NTM: variants seen among roughly 807,000 people sequenced by gnomAD.
The protein encoded by NTM is neurotrimin.
NTM carries 13 observed loss-of-function variants against 42.1 expected under a neutral mutation model. The observed-to-expected ratio is 0.31, with a 90% CI of 0.20 to 0.49. The LOEUF (loss-of-function observed/expected upper bound fraction) is 0.49. Among genes scored for constraint, NTM ranks in the 20% least tolerant of loss-of-function variants. The pLI is 0.99. For synonymous variants in NTM, 187 were observed against 179.2 expected, an observed-to-expected ratio of 1.04 and a Z score of -0.35; for missense variants, 373 against 452.8, an observed-to-expected ratio of 0.82 and a Z score of 1.60.
chr11:131,769,124 G>A (rs970625460), intron 1 of NTM, among the ~76,000 whole-genome samples: 1 of 152,174 alleles, frequency 6.6e-6, no homozygotes, highest in African/African-American at 2.4e-5. Context: ...AGGGCAACAG[G>A]CTATTAAGCA....
intron 4 of NTM, among the ~76,000 whole-genome samples, chr11:132,252,425 G>A (rs1265677057): frequency 6.6e-6 from 1 of 152,124 alleles, no homozygotes; most frequent in Non-Finnish European, 1.5e-5. Context: ...CCATTTTCTT[G>A]AGAGCAGAGA....
At chr11:131,890,127 CCTCT>C (rs1328165147) in intron 1 of NTM, among the ~76,000 whole-genome samples, 1 of 124,436 alleles carries the variant, frequency 8.0e-6, no homozygotes, top group Non-Finnish European at 1.6e-5. Flanking sequence ...ACACACAGGC[CCTCT>C]CTCTCCCTCT....
intron 1 of NTM, among the ~76,000 whole-genome samples, chr11:131,702,145 AC>A (rs1370496944): frequency 1.3e-5 from 2 of 152,108 alleles, no homozygotes; most frequent in Non-Finnish European, 2.9e-5. Flanking sequence ...AGACTACCTT[AC>A]AAAGCAGAGT....
chr11:131,631,891 GGAGAAGTCT>G (rs1352604395), intron 1 of NTM, among the ~76,000 whole-genome samples: 1 of 152,076 alleles, frequency 6.6e-6, no homozygotes, highest in African/African-American at 2.4e-5. Context: ...ATGTTACCTT[GGAGAAGTCT>G]GAGATTATCT....
At chr11:131,505,081 C>G (rs1194502533) in intron 1 of NTM, among the ~76,000 whole-genome samples, 1 of 149,574 alleles carries the variant, frequency 6.7e-6, no homozygotes, top group East Asian at 2.0e-4. Context: ...AACCTACCTT[C>G]TACTTGACCA....
At chr11:131,903,902 A>T (rs945005240) in intron 1 of NTM, among the ~76,000 whole-genome samples, 2 of 152,174 alleles carry the variant, frequency 1.3e-5, no homozygotes, top group Non-Finnish European at 2.9e-5. Context: ...TGAGTGAATT[A>T]GTCATTAGAC....
rs186585936 is a variant in NTM, at chr11:131,528,886, C to A, written c.82+157998C>A. ...GACATTTGATTTGATTTGATTTCAT[C>A]TTTTGTTGGTTCTAACTGTTTAGTG... On this transcript the variant is annotated intron_variant, in intron 1 of 8. Transcript: ENST00000683400. Among the ~76,000 whole-genome samples, 218 of 152,262 alleles carry A rather than the reference C, an allele frequency of 1.4e-3. 1 individual carries two copies. The highest frequency in any genetic ancestry group is 4.3e-3 in the African/African-American group (180 of 41,558).
intron 1 of NTM, among the ~76,000 whole-genome samples, chr11:131,570,902 CAGAA>C (rs926982987): frequency 6.6e-6 from 1 of 152,214 alleles, no homozygotes; most frequent in African/African-American, 2.4e-5. Flanking sequence ...ACTGCAGACT[CAGAA>C]AGGAACAAGA....
intron 2 of NTM, among the ~76,000 whole-genome samples, chr11:131,985,707 C>T (rs1013401297): frequency 6.6e-6 from 1 of 152,190 alleles, no homozygotes; most frequent in Non-Finnish European, 1.5e-5. Flanking sequence ...CTCCTACGCT[C>T]ATTCCACTGG....
chr11:131,392,567 C>T (rs113444388), intron 1 of NTM, among the ~76,000 whole-genome samples: 1 of 152,216 alleles, frequency 6.6e-6, no homozygotes, highest in African/African-American at 2.4e-5. Flanking sequence ...TAAAGCCTCG[C>T]CTTGAGAAGG....
At chr11:131,449,498 T>C (rs1382540822) in intron 1 of NTM, among the ~76,000 whole-genome samples, 6 of 152,212 alleles carry the variant, frequency 3.9e-5, no homozygotes, top group Non-Finnish European at 8.8e-5. Context: ...GGGCTAGGCC[T>C]GAGTCCTGTC....
chr11:131,772,970 C>T (rs970426055), intron 1 of NTM, among the ~76,000 whole-genome samples: 5 of 152,220 alleles, frequency 3.3e-5, no homozygotes, highest in East Asian at 3.9e-4. Context: ...TTTATGGCTG[C>T]GACATCATCC....
At chr11:132,144,516 T>C (rs572393895) in intron 2 of NTM, among the ~76,000 whole-genome samples, 15 of 152,358 alleles carry the variant, frequency 9.8e-5, no homozygotes, top group African/African-American at 3.4e-4. Flanking sequence ...CCATAAATGA[T>C]ATAAGTTGTC....
intron 1 of NTM, among the ~76,000 whole-genome samples, chr11:131,651,400 T>C (rs1489068857): frequency 3.3e-5 from 5 of 152,214 alleles, no homozygotes; most frequent in Non-Finnish European, 4.4e-5. Flanking sequence ...TTCAAATCAA[T>C]TGCACATCTT....
chr11:132,303,729 AAAC>A (rs71067371), intron 4 of NTM, among the ~76,000 whole-genome samples: 22,622 of 145,400 alleles, frequency 0.16, 1,895 homozygotes, highest in Non-Finnish European at 0.22. Context: ...AAAAAAAAAA[AAAC>A]AATCTGTGAA....
At chr11:131,822,868 C>G (rs1002716649) in intron 1 of NTM, among the ~76,000 whole-genome samples, 1 of 152,188 alleles carries the variant, frequency 6.6e-6, no homozygotes. Context: ...GCCAAACACA[C>G]AGGGAAATAC....
chr11:131,488,798 C>T (rs1358981745), intron 1 of NTM, among the ~76,000 whole-genome samples: 2 of 152,196 alleles, frequency 1.3e-5, no homozygotes, highest in Admixed American at 6.5e-5. Flanking sequence ...TGTGGCACTT[C>T]TTGGGCTAAA....
At chr11:132,245,940 A>T (rs1467373817) in intron 4 of NTM, among the ~76,000 whole-genome samples, 1 of 152,170 alleles carries the variant, frequency 6.6e-6, no homozygotes, top group Non-Finnish European at 1.5e-5. Flanking sequence ...TTCTCTACTC[A>T]TCCCAGCTGC....
At chr11:131,477,720 A>ATG (rs1168703340) in intron 1 of NTM, among the ~76,000 whole-genome samples, 5 of 151,862 alleles carry the variant, frequency 3.3e-5, no homozygotes, top group African/African-American at 9.7e-5. Context: ...TATTTTCTAG[A>ATG]TATCTATTCC....
Sources: allele counts gnomAD v4.1 joint callset (sites outside exome capture counted in the v4.1 genomes callset), GRCh38; gene constraint gnomAD v4.1.1; transcripts MANE v1.5; gene names NCBI Gene and HGNC (gene_info 2026-07-23, HGNC 2026-07-21).